CCDC148: variants seen among roughly 807,000 people sequenced by gnomAD.
CCDC148 encodes the protein coiled-coil domain-containing protein 148.
Under a neutral mutation model 85.7 loss-of-function variants are expected in CCDC148, and 89 were observed. That is an observed-to-expected ratio of 1.04 (90% CI 0.87 to 1.24). CCDC148 has a LOEUF of 1.24. CCDC148 is among the 50% of genes most tolerant of loss of function. The probability of loss-of-function intolerance (pLI) is 0.00; values close to 1 mark genes in which losing one functional copy is unlikely to be tolerated. For synonymous variants in CCDC148, 230 were observed against 213.9 expected (o/e 1.08, Z -0.66); for missense variants, 692 against 671.7 (o/e 1.03, Z -0.33).
intron 9 of CCDC148, among the ~76,000 whole-genome samples, chr2:158,270,068 C>A (rs1043823830): frequency 1.3e-5 from 2 of 152,108 alleles, no homozygotes; most frequent in Non-Finnish European, 2.9e-5. Context: ...AGTTACATGG[C>A]TAAACTGTTG....
intron 7 of CCDC148, among the ~76,000 whole-genome samples, chr2:158,331,584 T>A (rs756125821): frequency 4.1e-5 from 6 of 147,782 alleles, no homozygotes; most frequent in Non-Finnish European, 8.8e-5. Flanking sequence ...GTCTCCTTGA[T>A]CTGTCTAATG....
At chr2:158,392,868 T>C (rs925004141) in intron 1 of CCDC148, among the ~76,000 whole-genome samples, 1 of 152,052 alleles carries the variant, frequency 6.6e-6, no homozygotes, top group South Asian at 2.1e-4. Flanking sequence ...GTCAGAGACA[T>C]TGCATACGAC....
At chr2:158,291,146 T>C (rs1326905307) in intron 9 of CCDC148, among the ~76,000 whole-genome samples, 2 of 152,054 alleles carry the variant, frequency 1.3e-5, no homozygotes, top group African/African-American at 2.4e-5. Flanking sequence ...AAGAGATGGG[T>C]CTCGCTATAT....
chr2:158,340,500 C>A, intron 4 of CCDC148, 98 bp downstream of exon 4: 1 of 1,424,282 alleles, frequency 7.0e-7, no homozygotes, highest in East Asian at 2.3e-5. Context: ...TAGAAAAAAA[C>A]AAATGGCAGT....
intron 9 of CCDC148, among the ~76,000 whole-genome samples, chr2:158,267,002 T>C (rs1208014385): frequency 2.0e-5 from 3 of 151,692 alleles, no homozygotes; most frequent in Non-Finnish European, 2.9e-5. Flanking sequence ...ACTCCATTGA[T>C]GGGCATGAAA....
intron 1 of CCDC148, among the ~76,000 whole-genome samples, chr2:158,396,780 G>A (rs1685539846): frequency 6.6e-6 from 1 of 151,988 alleles, no homozygotes; most frequent in East Asian, 1.9e-4. Context: ...CTACTACTAA[G>A]ACAATGATGA....
intron 1 of CCDC148, chr2:158,420,157 A>C (rs933387060): frequency 6.6e-6 from 1 of 152,188 alleles, no homozygotes. Context: ...GAATGGAAAC[A>C]AGTTGGAAAA....
chr2:158,441,525 T>C (rs1277102184), intron 1 of CCDC148, among the ~76,000 whole-genome samples: 2 of 149,870 alleles, frequency 1.3e-5, no homozygotes, highest in East Asian at 3.9e-4. Context: ...GACCATGCAA[T>C]ATGTGATTGT....
chr2:158,419,888 C>T (rs1686688619), intron 1 of CCDC148: 1 of 152,006 alleles, frequency 6.6e-6, no homozygotes, highest in South Asian at 2.1e-4. Context: ...AATTTTCCCA[C>T]CCCTAGAAAG....
chr2:158,453,643 C>T (rs1263019362), intron 1 of CCDC148, among the ~76,000 whole-genome samples: 4 of 152,330 alleles, frequency 2.6e-5, no homozygotes, highest in Admixed American at 2.6e-4. Flanking sequence ...GCTCCTGCTT[C>T]CTCCTATTCC....
At chr2:158,333,283 G>C (rs1693244600) in intron 7 of CCDC148, among the ~76,000 whole-genome samples, 1 of 152,150 alleles carries the variant, frequency 6.6e-6, no homozygotes, top group African/African-American at 2.4e-5. Flanking sequence ...TATTTACCCA[G>C]TAGTCATTCA....
rs144201019 is a variant in CCDC148, at chr2:158,303,461, G to A, written c.1110+5972C>T. Among the ~76,000 whole-genome samples, 431 of 152,116 alleles carry A rather than the reference G, an allele frequency of 2.8e-3. 3 individuals carry two copies. The highest frequency in any genetic ancestry group is 9.7e-3 in the African/African-American group (402 of 41,484). The stretch of plus-strand genomic sequence containing the variant: ...TTTCAGGCTTATAAAATGAAAGGCA[G>A]GGATAAATTGCCAAGTTTCCTTCCA... On this transcript the variant is annotated intron_variant, in intron 9 of 13. Coordinates refer to ENST00000283233, the MANE Select transcript of CCDC148 (RefSeq NM_138803.4).
chr2:158,229,783 C>G (rs1308728930), intron 10 of CCDC148, among the ~76,000 whole-genome samples: 1 of 152,296 alleles, frequency 6.6e-6, no homozygotes, highest in East Asian at 1.9e-4. Flanking sequence ...GCTTCTTGCT[C>G]TTTGCTGCTT....
chr2:158,456,084 G>C (rs1688686684), intron 1 of CCDC148, among the ~76,000 whole-genome samples: 1 of 152,222 alleles, frequency 6.6e-6, no homozygotes, highest in Admixed American at 6.5e-5. Context: ...CAAGCTCATA[G>C]TGCGGGATGT....
chr2:158,356,947 T>G (rs867895712), intron 2 of CCDC148, among the ~76,000 whole-genome samples: 4 of 147,418 alleles, frequency 2.7e-5, no homozygotes, highest in South Asian at 2.2e-4. Context: ...TGGATGAAAT[T>G]GGAAAACATC....
At chr2:158,268,052 A>G (rs890965179) in intron 9 of CCDC148, among the ~76,000 whole-genome samples, 6 of 152,324 alleles carry the variant, frequency 3.9e-5, no homozygotes, top group African/African-American at 1.4e-4. Flanking sequence ...AAGCTGCTAC[A>G]CACATTCATG....
At chr2:158,172,755 C>T (rs1466399620) in intron 13 of CCDC148, among the ~76,000 whole-genome samples, 3 of 152,068 alleles carry the variant, frequency 2.0e-5, no homozygotes, top group Non-Finnish European at 4.4e-5. Flanking sequence ...CTATTTCAAA[C>T]AGAAGTAGAA....
chr2:158,367,446 T>C (rs1469299879), intron 1 of CCDC148, among the ~76,000 whole-genome samples: 1 of 152,122 alleles, frequency 6.6e-6, no homozygotes, highest in African/African-American at 2.4e-5. Context: ...CCTTTAGATT[T>C]AGGCCTCATT....
At chr2:158,414,433 GC>G (rs1329988034) in intron 1 of CCDC148, among the ~76,000 whole-genome samples, 2 of 152,142 alleles carry the variant, frequency 1.3e-5, no homozygotes, top group Non-Finnish European at 2.9e-5. Context: ...ATTTTAGAGT[GC>G]TGAATTTGCT....
Sources: gnomAD v4.1 joint callset for allele counts (sites outside exome capture counted in the v4.1 genomes callset) on GRCh38, gnomAD v4.1.1 for gene constraint, MANE v1.5 for transcripts, NCBI Gene and HGNC (gene_info 2026-07-23, HGNC 2026-07-21) for gene names.